KLRG1: variants seen among roughly 807,000 people sequenced by gnomAD.
KLRG1 encodes killer cell lectin like receptor G1.
Under a neutral mutation model 21.8 loss-of-function variants are expected in KLRG1, and 16 were observed. That is an observed-to-expected ratio of 0.73 (90% CI 0.50 to 1.11). KLRG1 has a LOEUF of 1.11. Among genes scored for constraint, KLRG1 ranks in the 50% most tolerant of loss-of-function variants. The pLI, the probability that KLRG1 is intolerant of heterozygous loss-of-function variation, is 0.00. For synonymous variants in KLRG1, 69 were observed against 75.9 expected (o/e 0.91, Z 0.47); for missense variants, 173 against 218.3 (o/e 0.79, Z 1.31).
At chr12:9,175,612 A>G in the KLRG1 span, among the ~76,000 whole-genome samples, 2 of 152,224 alleles carry the variant, frequency 1.3e-5, no homozygotes, top group Non-Finnish European at 2.9e-5. Context: ...AAACAAATTT[A>G]CAAGAAATAA....
At chr12:9,001,454 C>T (rs895923651) in intron 3 of KLRG1, among the ~76,000 whole-genome samples, 1 of 152,172 alleles carries the variant, frequency 6.6e-6, no homozygotes, top group Non-Finnish European at 1.5e-5. Context: ...AGGCTCTACC[C>T]AAACCCCAGC....
chr12:9,165,169 C>T, the KLRG1 span: 31 of 1,613,946 alleles, frequency 1.9e-5, no homozygotes, highest in South Asian at 1.9e-4. Flanking sequence ...AGTTTAGGAC[C>T]GTGGCCTTGA....
At chr12:9,106,100 A>T in the KLRG1 span, 1 of 543,568 alleles carries the variant, frequency 1.8e-6, no homozygotes, top group Non-Finnish European at 3.3e-6. Context: ...ATACTAATCA[A>T]GCCTTGGTGA....
the KLRG1 span, chr12:9,065,849 A>T: frequency 1.3e-5 from 2 of 152,260 alleles, no homozygotes; most frequent in South Asian, 2.1e-4. Context: ...GGAAGAGAGG[A>T]TGGGAAGACA....
At chr12:9,108,569 G>A in the KLRG1 span, among the ~76,000 whole-genome samples, 5 of 152,184 alleles carry the variant, frequency 3.3e-5, no homozygotes, top group Non-Finnish European at 7.3e-5. Flanking sequence ...TGAGGAACCA[G>A]GAACTTGGCC....
the KLRG1 span, among the ~76,000 whole-genome samples, chr12:9,143,664 T>C: frequency 6.6e-6 from 1 of 152,128 alleles, no homozygotes; most frequent in Non-Finnish European, 1.5e-5. Flanking sequence ...TCAAGGTCCC[T>C]GAGAATTTGA....
the KLRG1 span, among the ~76,000 whole-genome samples, chr12:9,119,714 A>G: frequency 6.6e-6 from 1 of 152,200 alleles, no homozygotes; most frequent in African/African-American, 2.4e-5. Context: ...GTGAGAAGGG[A>G]TGATCCCAGA....
intron 3 of KLRG1, among the ~76,000 whole-genome samples, chr12:9,006,527 G>A (rs16917943): frequency 0.072 from 10,993 of 152,204 alleles, 585 homozygotes; most frequent in African/African-American, 0.14. Context: ...AGGACTGTGC[G>A]TACATAGTAA....
At chr12:8,982,612 A>AG (rs1318418168) in intron 1 of KLRG1, among the ~76,000 whole-genome samples, 1 of 151,338 alleles carries the variant, frequency 6.6e-6, no homozygotes, top group Admixed American at 6.6e-5. Context: ...TTATATTTAA[A>AG]GTGCATATCT....
chr12:9,009,566 A>G lies in KLRG1; in HGVS notation c.*29A>G. 1 of 1,612,324 alleles carries G rather than the reference A, an allele frequency of 6.2e-7. No homozygotes were observed. The highest frequency in any genetic ancestry group is 2.2e-5 in the East Asian group (1 of 44,754). On this transcript the variant is annotated 3_prime_UTR_variant, in exon 5 of 5. Transcript: ENST00000356986. ...ATGACCACTCTGTCCTGACCCTCAG[A>G]TCTGTCATGTATCCCTAAAAGGAGG...
intron 1 of KLRG1, among the ~76,000 whole-genome samples, chr12:8,958,720 G>C (rs1946335547): frequency 6.6e-6 from 1 of 152,106 alleles, no homozygotes; most frequent in South Asian, 2.1e-4. Flanking sequence ...AGCTGAGCGT[G>C]GTGGCTTGTG....
the KLRG1 span, among the ~76,000 whole-genome samples, chr12:9,061,022 C>T: frequency 5.9e-5 from 9 of 151,840 alleles, no homozygotes; most frequent in Non-Finnish European, 1.2e-4. Context: ...TTTTTTCATC[C>T]GAGAAGCTAG....
chr12:9,135,559 C>G, the KLRG1 span: 1 of 341,908 alleles, frequency 2.9e-6, no homozygotes, highest in Non-Finnish European at 5.5e-6. Flanking sequence ...CAGAACCAGC[C>G]CTTCCAAAAA....
the KLRG1 span, among the ~76,000 whole-genome samples, chr12:9,117,743 TAATTTTA>T: frequency 4.6e-5 from 7 of 152,220 alleles, no homozygotes; most frequent in African/African-American, 1.7e-4. Context: ...TCGCCCTGTG[TAATTTTA>T]AATTTTAAAT....
At chr12:9,011,629 C>T (rs1335193944), downstream of KLRG1, among the ~76,000 whole-genome samples, 1 of 152,124 alleles carries the variant, frequency 6.6e-6, no homozygotes, top group African/African-American at 2.4e-5. Flanking sequence ...AACAATTATC[C>T]GCAAAAGAAA....
the KLRG1 span, among the ~76,000 whole-genome samples, chr12:9,028,459 T>G: frequency 6.6e-6 from 1 of 150,524 alleles, no homozygotes; most frequent in Non-Finnish European, 1.5e-5. Flanking sequence ...CTTTTTTTTT[T>G]TTGAGACTTA....
the KLRG1 span, among the ~76,000 whole-genome samples, chr12:9,151,244 A>G: frequency 1.3e-5 from 2 of 152,198 alleles, no homozygotes; most frequent in Non-Finnish European, 2.9e-5. Context: ...TTAAAATAAC[A>G]GGAATGCATG....
At chr12:9,094,856 ATATG>A in the KLRG1 span, 1 of 486,944 alleles carries the variant, frequency 2.1e-6, no homozygotes, top group African/African-American at 2.0e-5. Flanking sequence ...AATAACCTTA[ATATG>A]TATGACTCAC....
chr12:9,096,531 C>T, the KLRG1 span, among the ~76,000 whole-genome samples: 3 of 152,204 alleles, frequency 2.0e-5, no homozygotes, highest in Admixed American at 6.5e-5. Flanking sequence ...TTAGTGGAAA[C>T]AAAATGCTCC....
Sources: gnomAD v4.1 joint callset for allele counts (sites outside exome capture counted in the v4.1 genomes callset) on GRCh38, gnomAD v4.1.1 for gene constraint, MANE v1.5 for transcripts, NCBI Gene and HGNC (gene_info 2026-07-23, HGNC 2026-07-21) for gene names.